The following EPHB1 variants were observed in gnomAD, a reference collection of about 807,000 sequenced individuals.
The protein encoded by EPHB1 is ephrin type-B receptor 1.
EPHB1 carries 30 observed loss-of-function variants against 94.4 expected under a neutral mutation model. The ratio of observed to expected loss-of-function variants is 0.32; its 90% CI spans 0.24 to 0.43. The LOEUF (loss-of-function observed/expected upper bound fraction) is 0.43. EPHB1 is among the 20% of genes least tolerant of loss of function. The pLI, the probability that EPHB1 is intolerant of heterozygous loss-of-function variation, is 1.00. For missense variants in EPHB1, 1,055 were observed against 1,308.3 expected, an observed-to-expected ratio of 0.81 and a Z score of 2.99; for synonymous variants, 522 against 489.1, an observed-to-expected ratio of 1.07 and a Z score of -0.89.
At chr3:134,881,063 CT>C (rs1397001101) in intron 1 of EPHB1, among the ~76,000 whole-genome samples, 2 of 152,080 alleles carry the variant, frequency 1.3e-5, no homozygotes, top group Admixed American at 1.3e-4. Flanking sequence ...TCTGAGCACT[CT>C]GTTCTAGTGG....
intron 15 of EPHB1, among the ~76,000 whole-genome samples, chr3:135,258,136 C>A (rs1385158313): frequency 6.6e-6 from 1 of 152,186 alleles, no homozygotes. Context: ...AACCCGGTAC[C>A]TCAGATGGAA....
intron 3 of EPHB1, among the ~76,000 whole-genome samples, chr3:134,999,331 G>T (rs1324945540): frequency 3.3e-5 from 5 of 152,208 alleles, no homozygotes. Flanking sequence ...AGGTGATTGT[G>T]ACTAGAAACA....
intron 1 of EPHB1, among the ~76,000 whole-genome samples, chr3:134,908,645 G>C (rs2038387090): frequency 6.6e-6 from 1 of 152,172 alleles, no homozygotes; most frequent in Non-Finnish European, 1.5e-5. Flanking sequence ...GTTCATCCCA[G>C]AAGCACCCTG....
In EPHB1 at chr3:134,954,964, G is replaced by A. The variant is rs542810894; in HGVS notation, c.805+2912G>A. 5.9e-5 allele frequency among the ~76,000 whole-genome samples: 9 copies of A among 152,044 alleles called. No individual in the cohort carries two copies. In the South Asian group the frequency reaches 1.9e-3, roughly 32 times the overall value. ...TGGTGAGAAGAGAACAGGTGAGAGG[G>A]GAGTAGAGGAAGCTATGGGGAGAAC... On this transcript the variant is annotated intron_variant, in intron 3 of 15. Coordinates refer to ENST00000398015, the MANE Select transcript of EPHB1 (RefSeq NM_004441.5).
At chr3:134,887,352 A>G (rs2037881633) in intron 1 of EPHB1, among the ~76,000 whole-genome samples, 1 of 152,228 alleles carries the variant, frequency 6.6e-6, no homozygotes, top group South Asian at 2.1e-4. Context: ...CCAAATTCAC[A>G]TATCACTTTC....
intron 13 of EPHB1, among the ~76,000 whole-genome samples, chr3:135,244,226 C>T (rs1289128901): frequency 6.6e-6 from 1 of 152,218 alleles, no homozygotes; most frequent in Non-Finnish European, 1.5e-5. Flanking sequence ...CCTCACCACA[C>T]CTCCTCCCTG....
intron 3 of EPHB1, among the ~76,000 whole-genome samples, chr3:135,041,438 A>G (rs1936839689): frequency 6.6e-6 from 1 of 152,062 alleles, no homozygotes; most frequent in African/African-American, 2.4e-5. Context: ...AGTTCCTCAA[A>G]TGCAGGTATT....
chr3:134,811,366 G>A (rs187567658), intron 1 of EPHB1, among the ~76,000 whole-genome samples: 2 of 148,172 alleles, frequency 1.3e-5, no homozygotes, highest in African/African-American at 4.9e-5. Context: ...AGCCTCCCGA[G>A]TAGCTGGAAT....
At chr3:135,241,386 A>C in intron 13 of EPHB1, 89 bp downstream of exon 13, 180 of 1,523,624 alleles carry the variant, frequency 1.2e-4, no homozygotes, top group Non-Finnish European at 1.5e-4. Flanking sequence ...TTTTCAGCTC[A>C]CGGCCTCATA....
At chr3:135,256,903 G>A (rs552752689) in intron 15 of EPHB1, among the ~76,000 whole-genome samples, 1 of 148,234 alleles carries the variant, frequency 6.7e-6, no homozygotes, top group Non-Finnish European at 1.5e-5. Context: ...TTTCTTGGAG[G>A]CTTTGCTCAT....
At chr3:135,187,267 C>T (rs1413381801) in intron 10 of EPHB1, among the ~76,000 whole-genome samples, 1 of 152,214 alleles carries the variant, frequency 6.6e-6, no homozygotes, top group Non-Finnish European at 1.5e-5. Flanking sequence ...AAGAATCAAC[C>T]ACAACCACTC....
intron 1 of EPHB1, among the ~76,000 whole-genome samples, chr3:134,865,787 T>C (rs2037363405): frequency 6.6e-6 from 1 of 152,192 alleles, no homozygotes; most frequent in Non-Finnish European, 1.5e-5. Context: ...ATGAAAAAGC[T>C]AGTAATTAAG....
At chr3:134,799,737 A>G (rs2035900424) in intron 1 of EPHB1, among the ~76,000 whole-genome samples, 1 of 152,236 alleles carries the variant, frequency 6.6e-6, no homozygotes, top group Non-Finnish European at 1.5e-5. Flanking sequence ...ACCCAGACCC[A>G]GATCTCAGAG....
intron 12 of EPHB1, among the ~76,000 whole-genome samples, chr3:135,230,450 T>A (rs1009287353): frequency 6.6e-6 from 1 of 152,146 alleles, no homozygotes; most frequent in Non-Finnish European, 1.5e-5. Flanking sequence ...TGAGTCCAGT[T>A]GCTCTTTCTC....
intron 6 of EPHB1, chr3:135,154,492 CCAG>C: frequency 1.9e-6 from 1 of 531,798 alleles, no homozygotes. Context: ...AGAGAAACTT[CCAG>C]TCCACCATCC....
intron 5 of EPHB1, among the ~76,000 whole-genome samples, chr3:135,138,406 G>T (rs1241133202): frequency 6.6e-6 from 1 of 151,936 alleles, no homozygotes; most frequent in Non-Finnish European, 1.5e-5. Flanking sequence ...ATTATTCCTT[G>T]GTTAAATATA....
intron 3 of EPHB1, among the ~76,000 whole-genome samples, chr3:135,076,234 G>GATATATATATAT (rs60727518): frequency 0.021 from 2,779 of 130,702 alleles, 121 homozygotes; most frequent in African/African-American, 0.078. Context: ...TCTGAAAAGG[G>GATATATATATAT]ATATATATAT....
chr3:135,212,315 T>C (rs1943050275), intron 12 of EPHB1, among the ~76,000 whole-genome samples: 1 of 152,240 alleles, frequency 6.6e-6, no homozygotes, highest in South Asian at 2.1e-4. Context: ...AGCATCTTAT[T>C]TGTTTTTTCC....
intron 1 of EPHB1, among the ~76,000 whole-genome samples, chr3:134,864,947 T>C (rs539239487): frequency 4.1e-4 from 62 of 152,314 alleles, no homozygotes; most frequent in African/African-American, 1.4e-3. Flanking sequence ...GGAACTGAGA[T>C]GCTATGTGTG....
Sources: gnomAD v4.1 joint callset for allele counts (sites outside exome capture counted in the v4.1 genomes callset) on GRCh38, gnomAD v4.1.1 for gene constraint, MANE v1.5 for transcripts, NCBI Gene and HGNC (gene_info 2026-07-23, HGNC 2026-07-21) for gene names.